The following EPB41L4A variants were observed in gnomAD, a reference collection of about 807,000 sequenced individuals.
EPB41L4A encodes band 4.1-like protein 4A.
A neutral mutation model predicts 108.6 loss-of-function variants in EPB41L4A; 100 were observed. The ratio of observed to expected loss-of-function variants is 0.92; its 90% CI spans 0.78 to 1.09. The LOEUF is 1.09. EPB41L4A is among the 50% of genes least tolerant of loss of function. The pLI, the probability that EPB41L4A is intolerant of heterozygous loss-of-function variation, is 0.00. For missense variants in EPB41L4A, 1,030 were observed against 842.7 expected (o/e 1.22, Z -2.75); for synonymous variants, 319 against 289.0 (o/e 1.10, Z -1.05).
At chr5:112,388,666 G>C (rs1446696697) in intron 1 of EPB41L4A, among the ~76,000 whole-genome samples, 1 of 152,204 alleles carries the variant, frequency 6.6e-6, no homozygotes, top group African/African-American at 2.4e-5. Flanking sequence ...CAACTTTGCA[G>C]TGGACAGCTA....
intron 18 of EPB41L4A, among the ~76,000 whole-genome samples, chr5:112,171,203 C>T (rs1341842592): frequency 6.6e-6 from 1 of 152,126 alleles, no homozygotes. Context: ...AATCATAAAA[C>T]CCAGTCATAA....
At chr5:112,336,345 C>G (rs905892595) in intron 1 of EPB41L4A, among the ~76,000 whole-genome samples, 2 of 152,104 alleles carry the variant, frequency 1.3e-5, no homozygotes, top group Non-Finnish European at 2.9e-5. Flanking sequence ...TGGAGTAAGG[C>G]GCTTTCCTCT....
At chr5:112,228,582 G>T in intron 12 of EPB41L4A, 1 of 337,762 alleles carries the variant, frequency 3.0e-6, no homozygotes, top group Non-Finnish European at 4.2e-6. Context: ...TCAAAGCCTT[G>T]TGTATCCATC....
chr5:112,262,484 T>C lies in EPB41L4A; in HGVS notation c.642+10A>G. The C allele has an allele frequency of 6.2e-7, 1 of 1,608,854 alleles. No homozygotes were observed. On this transcript the variant is annotated intron_variant, in intron 7 of 22. Transcript: ENST00000261486. ...CTTAAAATATTTTGTGTTAATTAAATGTTACTCACATAGACGGGATGGAGG... is the reference window on the plus strand; with the variant it reads ...CTTAAAATATTTTGTGTTAATTAAACGTTACTCACATAGACGGGATGGAGG...
chr5:112,216,424 A>G (rs897099928), intron 12 of EPB41L4A, among the ~76,000 whole-genome samples: 1 of 152,236 alleles, frequency 6.6e-6, no homozygotes, highest in Admixed American at 6.5e-5. Context: ...GTGAAATTAA[A>G]ATGAAAAAAA....
intron 2 of EPB41L4A, among the ~76,000 whole-genome samples, chr5:112,287,962 G>A (rs932298209): frequency 6.6e-6 from 1 of 152,166 alleles, no homozygotes; most frequent in Non-Finnish European, 1.5e-5. Flanking sequence ...AAAATATAAA[G>A]GAGCCAGGAC....
Position 112,339,556 on chromosome 5 carries a change from C to CA in EPB41L4A, c.100-32067dup, listed in dbSNP as rs537589474. 3.8e-3 allele frequency among the ~76,000 whole-genome samples: 439 copies of CA among 117,058 alleles called. 2 individuals are homozygous for CA. Among genetic ancestry groups the CA allele is most frequent in the African/African-American group, 0.016 (416 of 26,732 alleles). The allele number at this position is 117,058 out of a possible 152,430, so 76.8% of individuals were successfully genotyped here. On this transcript the variant is annotated intron_variant, in intron 1 of 22. Coordinates refer to ENST00000261486, the MANE Select transcript of EPB41L4A (RefSeq NM_022140.5). ...TATATATATATATTTTTTTTTTAGA[C>CA]AGAGTCTCATTCTGTTGCCCAGGCT...
At chr5:112,313,861 T>TC (rs1561562941) in intron 1 of EPB41L4A, among the ~76,000 whole-genome samples, 1 of 132,952 alleles carries the variant, frequency 7.5e-6, no homozygotes, top group Non-Finnish European at 1.6e-5. Flanking sequence ...TAACTTTCTT[T>TC]TTTTTTTTTT....
chr5:112,145,894 T>C (rs1759234668), exon 13 of EPB41L4A: 1 of 456,208 alleles, frequency 2.2e-6, no homozygotes, highest in Admixed American at 2.4e-5. Context: ...CCAGCCCCAA[T>C]ATCACTTCAT....
chr5:112,149,199 A>G (rs1277333268), intron 12 of EPB41L4A, among the ~76,000 whole-genome samples: 3 of 152,236 alleles, frequency 2.0e-5, no homozygotes, highest in Non-Finnish European at 4.4e-5. Context: ...GACTCTGGCC[A>G]GGCACAGTGG....
intron 1 of EPB41L4A, among the ~76,000 whole-genome samples, chr5:112,315,291 T>A (rs1035757704): frequency 1.3e-5 from 2 of 152,240 alleles, no homozygotes; most frequent in Non-Finnish European, 2.9e-5. Context: ...AAGATGGCCA[T>A]TTATTCCTTC....
chr5:112,227,527 G>GGCTA (rs1748553562), intron 12 of EPB41L4A, among the ~76,000 whole-genome samples: 1 of 152,156 alleles, frequency 6.6e-6, no homozygotes, highest in South Asian at 2.1e-4. Context: ...GGCTCAAGCT[G>GGCTA]GCTAAGTGAC....
At chr5:112,265,954 T>C (rs1580565045) in intron 5 of EPB41L4A, among the ~76,000 whole-genome samples, 1 of 152,166 alleles carries the variant, frequency 6.6e-6, no homozygotes, top group East Asian at 1.9e-4. Flanking sequence ...TCAGATGAGA[T>C]GTAGATAGAA....
rs193140538 is a variant in EPB41L4A, at chr5:112,249,816, A to G, written c.796-9006T>C. ...TGGCATAGAAGGGTTCTTTGCTCAG[A>G]TAAGTATGGGAAACACTGGGCTAAA... On this transcript the variant is annotated intron_variant, in intron 9 of 22. Transcript: ENST00000261486. 5.7e-3 allele frequency among the ~76,000 whole-genome samples: 861 copies of G among 152,264 alleles called. 8 individuals carry two copies. Among genetic ancestry groups the G allele is most frequent in the African/African-American group, 0.019 (808 of 41,560 alleles).
intron 22 of EPB41L4A, among the ~76,000 whole-genome samples, chr5:112,166,138 AT>A (rs1561442021): frequency 6.6e-6 from 1 of 152,262 alleles, no homozygotes; most frequent in Admixed American, 6.5e-5. Flanking sequence ...ACCTTAAGAA[AT>A]TAAGTTGCTA....
intron 4 of EPB41L4A, among the ~76,000 whole-genome samples, chr5:112,268,114 G>C (rs535451789): frequency 2.6e-5 from 4 of 152,360 alleles, no homozygotes; most frequent in African/African-American, 9.6e-5. Context: ...GGGCATGGTG[G>C]CTCATGCCTG....
chr5:112,250,256 A>G (rs1323409917), intron 9 of EPB41L4A, among the ~76,000 whole-genome samples: 3 of 152,212 alleles, frequency 2.0e-5, no homozygotes, highest in Admixed American at 1.3e-4. Flanking sequence ...TTAAGGATGA[A>G]TAAGTTGATT....
chr5:112,215,340 G>C (rs1225653319), intron 12 of EPB41L4A, among the ~76,000 whole-genome samples: 2 of 152,206 alleles, frequency 1.3e-5, no homozygotes, highest in African/African-American at 2.4e-5. Flanking sequence ...ATCAGTTATT[G>C]ACATATGGCT....
rs959985767 is a variant in EPB41L4A at position 112,419,208 on chromosome 5, G to C, written c.-169C>G. 9.9e-6 allele frequency: 5 copies of C among 503,982 alleles called. No individual in the cohort carries two copies. In the African/African-American group the frequency reaches 1.0e-4, roughly 10 times the overall value. 31.2% of individuals were successfully genotyped at this position (503,982 alleles called of 1,614,324 possible). A position where few individuals can be genotyped will look rare whatever the true frequency, so the allele number is the denominator to read the frequency against. On this transcript the variant is annotated 5_prime_UTR_variant, in exon 1 of 23. Coordinates refer to ENST00000261486, the MANE Select transcript of EPB41L4A (RefSeq NM_022140.5). ...GGCCGCCGAACCGCCCGGCGGGGCG[G>C]GAGCGAGAAAGGCGGAAAAGCCCGG...
Sources: gnomAD v4.1 joint callset for allele counts (sites outside exome capture counted in the v4.1 genomes callset) on GRCh38, gnomAD v4.1.1 for gene constraint, MANE v1.5 for transcripts, NCBI Gene and HGNC (gene_info 2026-07-23, HGNC 2026-07-21) for gene names.